MAOB: variants seen among roughly 807,000 people sequenced by gnomAD.
The protein encoded by MAOB is amine oxidase [flavin-containing] B.
Under a neutral mutation model 41.9 loss-of-function variants are expected in MAOB, and 15 were observed. The observed-to-expected ratio is 0.36, with a 90% confidence interval of 0.24 to 0.55. The LOEUF is 0.55. Among genes scored for constraint, MAOB ranks in the 20% least tolerant of loss-of-function variants. The pLI is 0.86. For missense variants in MAOB, 345 were observed against 398.7 expected (o/e 0.87, Z 1.15); for synonymous variants, 167 against 144.2 (o/e 1.16, Z -1.13).
chrX:43,794,758 A>G (rs1449362223), intron 7 of MAOB, among the ~76,000 whole-genome samples: 1 of 109,712 alleles, frequency 9.1e-6, no homozygotes, highest in Admixed American at 9.8e-5. Flanking sequence ...ACTATTGGCA[A>G]AAAGACTGTC....
chrX:43,767,549 T>C lies in MAOB; in HGVS notation c.1480A>G (p.Arg494Gly). 8.3e-7 allele frequency: 1 copy of C among 1,210,537 alleles called. No homozygotes were observed. The highest frequency in any genetic ancestry group is 1.1e-6 in the Non-Finnish European group (1 of 894,765). ...AAGATGGTGGTCAATCCAATCAGCC[T>C]GAGCAGGCCTGGCACGGAGGGCAAA... ...RHLPSVPGLL[R>G]LIGLTTIFSA... The change falls in exon 15 of 15, where the codon AGG (arginine) becomes GGG (glycine). Residue 494 changes from arginine to glycine, a missense_variant. Physicochemically the swap from Arg to Gly is moderately radical, Grantham distance 125. Coordinates refer to ENST00000378069, the MANE Select transcript of MAOB (RefSeq NM_000898.5).
At position 43,766,930 on chromosome X, in the gene MAOB, A is replaced by G. The variant is rs970644605; in HGVS notation, c.*536T>C. ...TTGGATTTGTGTTCTAGTCCCCCAG[A>G]TACCAGTGGCTTATTGTGGCTCTTA... On this transcript the variant is annotated 3_prime_UTR_variant, in exon 15 of 15. Coordinates refer to ENST00000378069, the MANE Select transcript of MAOB (RefSeq NM_000898.5). The G allele has an allele frequency of 8.9e-6, 1 of 111,930 alleles. No homozygotes were observed. Among genetic ancestry groups the G allele is most frequent in the Non-Finnish European group, 1.9e-5 (1 of 53,365 alleles). 9.2% of individuals were successfully genotyped at this position (111,930 alleles called of 1,213,427 possible).
chrX:43,873,851 A>G (rs2035423974), intron 1 of MAOB, among the ~76,000 whole-genome samples: 2 of 110,537 alleles, frequency 1.8e-5, no homozygotes, highest in Non-Finnish European at 3.8e-5. Context: ...TAATTTTTGT[A>G]TTTTTAGTAG....
At chrX:43,805,552 A>T (rs2034652581) in intron 3 of MAOB, among the ~76,000 whole-genome samples, 1 of 111,577 alleles carries the variant, frequency 9.0e-6, no homozygotes. Context: ...CTCATACAAG[A>T]TGTACACCTT....
chrX:43,817,729 A>T (rs1006711500), intron 3 of MAOB, among the ~76,000 whole-genome samples: 2 of 111,792 alleles, frequency 1.8e-5, no homozygotes, highest in African/African-American at 6.5e-5. Flanking sequence ...ACATAAACTT[A>T]TCCCTGCCTG....
At chrX:43,843,603 A>G in intron 2 of MAOB, 67 bp downstream of exon 2, 1 of 1,067,096 alleles carries the variant, frequency 9.4e-7, no homozygotes, top group Admixed American at 2.6e-5. Flanking sequence ...TTGGGGAAAA[A>G]GACAAAAATG....
chrX:43,796,920 G>C (rs1361090541), intron 6 of MAOB, among the ~76,000 whole-genome samples: 1 of 111,784 alleles, frequency 8.9e-6, no homozygotes, highest in Non-Finnish European at 1.9e-5. Context: ...GACAAGCCTA[G>C]CTTTAAAATT....
At chrX:43,819,607 C>T (rs1361847157) in intron 3 of MAOB, among the ~76,000 whole-genome samples, 1 of 111,985 alleles carries the variant, frequency 8.9e-6, no homozygotes, top group Non-Finnish European at 1.9e-5. Context: ...AACCCAACTG[C>T]AACAGCCATC....
At chrX:43,810,104 G>A (rs961074399) in intron 3 of MAOB, among the ~76,000 whole-genome samples, 4 of 101,514 alleles carry the variant, frequency 3.9e-5, no homozygotes, top group Non-Finnish European at 5.9e-5. Context: ...TTAGCCGGGC[G>A]TGGTGGCGGG....
At chrX:43,869,670 G>T (rs1390849149) in intron 1 of MAOB, among the ~76,000 whole-genome samples, 1 of 112,096 alleles carries the variant, frequency 8.9e-6, no homozygotes. Flanking sequence ...TAAAATGAAA[G>T]AAAATCATTT....
At chrX:43,796,447 G>C (rs1385225848) in intron 6 of MAOB, among the ~76,000 whole-genome samples, 1 of 111,418 alleles carries the variant, frequency 9.0e-6, no homozygotes, top group Non-Finnish European at 1.9e-5. Context: ...CCTCAGCCTT[G>C]CTAAAACTTC....
intron 3 of MAOB, among the ~76,000 whole-genome samples, chrX:43,832,126 G>A (rs2035025958): frequency 9.0e-6 from 1 of 111,728 alleles, no homozygotes; most frequent in Non-Finnish European, 1.9e-5. Flanking sequence ...TTCCAATTGT[G>A]TGTGCCTTTG....
At chrX:43,814,929 C>T (rs754545974) in intron 3 of MAOB, among the ~76,000 whole-genome samples, 9 of 112,118 alleles carry the variant, frequency 8.0e-5, no homozygotes, top group African/African-American at 2.3e-4. Context: ...AAAGACCTGT[C>T]TTTCTCCTAT....
intron 4 of MAOB, 135 bp downstream of exon 4, chrX:43,803,161 GTTCA>G (rs902690840): frequency 4.1e-6 from 2 of 488,311 alleles, no homozygotes; most frequent in African/African-American, 5.1e-5. Flanking sequence ...TTAGAAACAA[GTTCA>G]TTCATTCATT....
chrX:43,877,329 G>C (rs1268449156), intron 1 of MAOB, among the ~76,000 whole-genome samples: 4 of 110,487 alleles, frequency 3.6e-5, no homozygotes, highest in Non-Finnish European at 7.6e-5. Flanking sequence ...ACCTGCCCTG[G>C]TGACTTCTGA....
At position 43,824,854 on chromosome X, in the gene MAOB, G is replaced by A. The variant is rs1011429210; in HGVS notation, c.279+14014C>T. On this transcript the variant is annotated intron_variant, in intron 3 of 14. Coordinates refer to ENST00000378069, the MANE Select transcript of MAOB (RefSeq NM_000898.5). ...CGCATGCACACATGTGCACACACAC[G>A]CACACATGCACACACACATCTATTT... Among the ~76,000 whole-genome samples the A allele has an allele frequency of 6.2e-5, 7 of 112,903 alleles. No individual in the cohort carries two copies. The South Asian group carries it at 1.8e-3, about 29-fold the overall frequency.
intron 1 of MAOB, among the ~76,000 whole-genome samples, chrX:43,861,871 G>C (rs1383511157): frequency 9.0e-6 from 1 of 110,633 alleles, no homozygotes; most frequent in African/African-American, 3.3e-5. Flanking sequence ...GTGTGTGTGT[G>C]TGTGTGTGTG....
rs181283057 is a variant in MAOB at position 43,813,244 on chromosome X, T to C, written c.280-9840A>G. Among the ~76,000 whole-genome samples, 14 of 112,133 alleles carry C rather than the reference T, an allele frequency of 1.2e-4. No individual in the cohort carries two copies. The East Asian group carries it at 3.1e-3, about 25-fold the overall frequency. ...CACTATTTGTCAGACACTGGGCTAA[T>C]AGGTTTAAGTTAATTCATTTAATCC... On this transcript the variant is annotated intron_variant, in intron 3 of 14. Coordinates refer to ENST00000378069, the MANE Select transcript of MAOB (RefSeq NM_000898.5).
At position 43,767,556 on chromosome X, in the gene MAOB, G is replaced by A. The variant is rs779405069; in HGVS notation, c.1473C>T (p.Gly491=). 3.3e-6 allele frequency: 4 copies of A among 1,208,547 alleles called. No individual in the cohort carries two copies. The African/African-American group carries it at 5.3e-5, about 16-fold the overall frequency. Residue 491 remains glycine, a synonymous_variant, in exon 15 of 15, where the codon GGC becomes GGT. Coordinates refer to ENST00000378069, the MANE Select transcript of MAOB (RefSeq NM_000898.5). ...FLERHLPSVP[G]LLRLIGLTTI... is the part of the protein sequence containing the mutation. Reference sequence around the variant, plus strand: ...TGGTCAATCCAATCAGCCTGAGCAGGCCTGGCACGGAGGGCAAATGTCTCT... The same window carrying A: ...TGGTCAATCCAATCAGCCTGAGCAGACCTGGCACGGAGGGCAAATGTCTCT...
Sources: gnomAD v4.1 joint callset for allele counts (sites outside exome capture counted in the v4.1 genomes callset) on GRCh38, gnomAD v4.1.1 for gene constraint, MANE v1.5 for transcripts, NCBI Gene and HGNC (gene_info 2026-07-23, HGNC 2026-07-21) for gene names.